Variants in TBC1D5 observed in about 807,000 individuals in gnomAD.
The protein encoded by TBC1D5 is TBC1 domain family, member 5.
In TBC1D5, 75 loss-of-function variants were observed where a neutral mutation model predicts 100.3. The observed-to-expected ratio is 0.75, with a 90% CI of 0.62 to 0.91. The LOEUF is 0.91. Among genes scored for constraint, TBC1D5 ranks in the 40% least tolerant of loss-of-function variants. TBC1D5 has a pLI of 0.00. For synonymous variants in TBC1D5, 323 were observed against 325.6 expected, an observed-to-expected ratio of 0.99 and a Z score of 0.09; for missense variants, 910 against 942.4, an observed-to-expected ratio of 0.97 and a Z score of 0.45.
chr3:17,643,647 C>T (rs369490075), intron 1 of TBC1D5, among the ~76,000 whole-genome samples: 2 of 152,006 alleles, frequency 1.3e-5, no homozygotes, highest in African/African-American at 4.8e-5. Flanking sequence ...AAGTTAAATG[C>T]AAAAAGCCAA....
chr3:17,233,597 G>C, intron 17 of TBC1D5, 88 bp downstream of exon 18: 2 of 739,612 alleles, frequency 2.7e-6, no homozygotes, highest in Non-Finnish European at 4.4e-6. Context: ...ATGGAGGGTG[G>C]GCAAAAAGAA....
chr3:17,636,153 C>T (rs2063898707), intron 1 of TBC1D5, among the ~76,000 whole-genome samples: 1 of 151,838 alleles, frequency 6.6e-6, no homozygotes, highest in African/African-American at 2.4e-5. Flanking sequence ...CGCTGCTGTA[C>T]TCTAGCCTGG....
chr3:17,475,535 T>C (rs2095428174), intron 3 of TBC1D5, among the ~76,000 whole-genome samples: 1 of 152,088 alleles, frequency 6.6e-6, no homozygotes, highest in Non-Finnish European at 1.5e-5. Context: ...TTTACCTCAC[T>C]GCCCTGCAAT....
intron 14 of TBC1D5, 35 bp from the exon 15 acceptor site, chr3:17,292,036 C>T: frequency 6.5e-7 from 1 of 1,545,622 alleles, no homozygotes; most frequent in East Asian, 2.3e-5. Flanking sequence ...AGATGCAATA[C>T]TATTTAAGAT....
At chr3:17,339,849 C>G (rs1267156554) in intron 13 of TBC1D5, among the ~76,000 whole-genome samples, 2 of 152,026 alleles carry the variant, frequency 1.3e-5, no homozygotes, top group Non-Finnish European at 2.9e-5. Context: ...AAAATTAATG[C>G]TAGGGCAAAC....
At chr3:17,564,519 T>C (rs2153484231) in intron 2 of TBC1D5, among the ~76,000 whole-genome samples, 1 of 152,280 alleles carries the variant, frequency 6.6e-6, no homozygotes, top group African/African-American at 2.4e-5. Flanking sequence ...AAAGTGACAA[T>C]GAATGTACAA....
At chr3:17,714,132 G>A (rs974146633) in intron 1 of TBC1D5, among the ~76,000 whole-genome samples, 1 of 152,062 alleles carries the variant, frequency 6.6e-6, no homozygotes, top group Admixed American at 6.5e-5. Context: ...GGAAATTATT[G>A]TGTATATCTG....
At chr3:17,157,304 A>C (rs1217258569) in exon 22 of TBC1D5, 1 of 152,286 alleles carries the variant, frequency 6.6e-6, no homozygotes, top group East Asian at 1.9e-4. Context: ...GGCGTCACTG[A>C]ATATTCCATC....
At chr3:17,433,409 GAA>G (rs1303441478) in intron 3 of TBC1D5, among the ~76,000 whole-genome samples, 1 of 152,162 alleles carries the variant, frequency 6.6e-6, no homozygotes, top group Non-Finnish European at 1.5e-5. Context: ...AGCAAAAGGG[GAA>G]ACAAACATGC....
intron 13 of TBC1D5, among the ~76,000 whole-genome samples, chr3:17,322,063 T>C (rs1256109407): frequency 2.6e-5 from 4 of 152,246 alleles, no homozygotes; most frequent in African/African-American, 7.2e-5. Context: ...ATAGCTGTTA[T>C]GTTATACAAA....
intron 15 of TBC1D5, among the ~76,000 whole-genome samples, chr3:17,282,817 T>C (rs1404809838): frequency 6.6e-6 from 1 of 152,238 alleles, no homozygotes; most frequent in Non-Finnish European, 1.5e-5. Flanking sequence ...AGAAAATATT[T>C]ATGTTGAATA....
intron 13 of TBC1D5, among the ~76,000 whole-genome samples, chr3:17,311,991 T>C (rs565193988): frequency 1.6e-4 from 25 of 152,252 alleles, no homozygotes; most frequent in Admixed American, 5.2e-4. Flanking sequence ...ATCCAAGTTG[T>C]GTATTAGTAT....
At chr3:17,235,224 C>A (rs1167771722) in intron 17 of TBC1D5, among the ~76,000 whole-genome samples, 7 of 152,198 alleles carry the variant, frequency 4.6e-5, no homozygotes, top group Non-Finnish European at 8.8e-5. Flanking sequence ...ACAGAATGTA[C>A]TTCAAGCAAC....
At chr3:17,297,752 C>CTT (rs78233692) in intron 14 of TBC1D5, among the ~76,000 whole-genome samples, 11 of 140,166 alleles carry the variant, frequency 7.8e-5, no homozygotes, top group Non-Finnish European at 3.1e-5. Flanking sequence ...CTGGCTAATT[C>CTT]TTTTTTTTTT....
chr3:17,245,106 C>G (rs1162362960), intron 16 of TBC1D5, among the ~76,000 whole-genome samples: 1 of 149,544 alleles, frequency 6.7e-6, no homozygotes, highest in East Asian at 2.0e-4. Flanking sequence ...GGTGGGAGAA[C>G]TGCTTGAGCC....
At chr3:17,233,645 G>T in intron 17 of TBC1D5, 40 bp downstream of exon 18, 3 of 1,235,092 alleles carry the variant, frequency 2.4e-6, no homozygotes, top group Non-Finnish European at 3.4e-6. Context: ...AATACTGTAG[G>T]CAAAGAAAAA....
rs376235535 is a variant in TBC1D5 at position 17,614,560 on chromosome 3, C to A, written c.-36+9289G>T. On this transcript the variant is annotated intron_variant, in intron 2 of 21. Transcript: ENST00000253692. ...CATTTGTTTCTGTCCTCTTTTATTTCGTTGAGCAGTGGTTTGTAGTTCTCC... is the reference window on the plus strand; with the variant it reads ...CATTTGTTTCTGTCCTCTTTTATTTAGTTGAGCAGTGGTTTGTAGTTCTCC... 7.2e-5 allele frequency among the ~76,000 whole-genome samples: 11 copies of A among 152,246 alleles called. 1 individual carries two copies. The South Asian group carries it at 2.1e-3, about 29-fold the overall frequency.
chr3:17,390,508 T>C (rs2093320456), intron 8 of TBC1D5, among the ~76,000 whole-genome samples: 1 of 152,118 alleles, frequency 6.6e-6, no homozygotes, highest in Non-Finnish European at 1.5e-5. Context: ...ATACTGAAGA[T>C]GCAAGTATTC....
At chr3:17,509,376 A>C (rs547983108) in intron 2 of TBC1D5, among the ~76,000 whole-genome samples, 223 of 152,066 alleles carry the variant, frequency 1.5e-3, no homozygotes, top group African/African-American at 5.2e-3. Flanking sequence ...TAAATTCTTA[A>C]AGTACAATAG....
Sources: gnomAD v4.1 joint callset for allele counts (sites outside exome capture counted in the v4.1 genomes callset) on GRCh38, gnomAD v4.1.1 for gene constraint, MANE v1.5 for transcripts, NCBI Gene and HGNC (gene_info 2026-07-23, HGNC 2026-07-21) for gene names.